Variants in KAZN observed in about 807,000 individuals in gnomAD.
The protein encoded by KAZN is kazrin, periplakin interacting protein, also known as kazrin.
In KAZN, 40 loss-of-function variants were observed where a neutral mutation model predicts 87.4. The observed-to-expected ratio is 0.46, with a 90% CI of 0.36 to 0.60. The LOEUF is 0.60. KAZN is among the 20% of genes least tolerant of loss of function. The pLI, the probability that KAZN is intolerant of heterozygous loss-of-function variation, is 0.00. For missense variants in KAZN, 898 were observed against 1,073.9 expected (o/e 0.84, Z 2.29); for synonymous variants, 466 against 458.3 (o/e 1.02, Z -0.22).
chr1:14,982,417 ATTTTTTTTTTTTT>A (rs71000353), intron 2 of KAZN, among the ~76,000 whole-genome samples: 4 of 64,790 alleles, frequency 6.2e-5, no homozygotes, highest in South Asian at 5.5e-4. Context: ...AGCACCTGAG[ATTTTTTTTTTTTT>A]TTTTTTTTTT....
chr1:14,626,766 C>T (rs1354633735), intron 1 of KAZN, among the ~76,000 whole-genome samples: 1 of 152,170 alleles, frequency 6.6e-6, no homozygotes, highest in African/African-American at 2.4e-5. Context: ...TTGATGTTGC[C>T]ACGTGCAGCC....
At chr1:14,805,798 TAATAATAA>T (rs1646196838) in intron 1 of KAZN, among the ~76,000 whole-genome samples, 1 of 117,592 alleles carries the variant, frequency 8.5e-6, no homozygotes, top group African/African-American at 3.8e-5. Flanking sequence ...ATAATAATAA[TAATAATAA>T]ATTAAAATCT....
chr1:13,947,217 T>C (rs956429173), intron 1 of KAZN, among the ~76,000 whole-genome samples: 8 of 152,122 alleles, frequency 5.3e-5, no homozygotes, highest in Non-Finnish European at 1.2e-4. Context: ...AGAAGGCACA[T>C]CTTGCATGGG....
chr1:14,027,488 C>T (rs1336625474), intron 1 of KAZN, among the ~76,000 whole-genome samples: 3 of 151,944 alleles, frequency 2.0e-5, no homozygotes, highest in Non-Finnish European at 4.4e-5. Flanking sequence ...GGCTTCTGCC[C>T]CCCCGCCACC....
At chr1:13,973,390 G>A (rs1429759742) in intron 1 of KAZN, among the ~76,000 whole-genome samples, 1 of 152,136 alleles carries the variant, frequency 6.6e-6, no homozygotes, top group Admixed American at 6.5e-5. Flanking sequence ...TGTCTAGTTG[G>A]GCTTAACCAG....
At position 13,941,815 on chromosome 1, in the gene KAZN, G is replaced by A. The variant is rs542570158; in HGVS notation, c.91+48059G>A. 9.2e-5 allele frequency among the ~76,000 whole-genome samples: 14 copies of A among 152,266 alleles called. No homozygotes were observed. In the East Asian group the frequency reaches 2.7e-3, roughly 29 times the overall value. ...CTCATGTGTGTGAGAACACCAAAGAGCTACCAAGGCAGCCAGCACTTAGGG... is the reference window on the plus strand; with the variant it reads ...CTCATGTGTGTGAGAACACCAAAGAACTACCAAGGCAGCCAGCACTTAGGG... On this transcript the variant is annotated intron_variant, in intron 1 of 16. Transcript: ENST00000636203.
chr1:14,642,500 T>A (rs1000586324), intron 1 of KAZN, among the ~76,000 whole-genome samples: 2 of 152,184 alleles, frequency 1.3e-5, no homozygotes, highest in African/African-American at 4.8e-5. Context: ...AAAAAGCTGA[T>A]CTCATAGAAG....
At chr1:14,221,446 T>C (rs1647095625) in intron 2 of KAZN, among the ~76,000 whole-genome samples, 2 of 152,058 alleles carry the variant, frequency 1.3e-5, no homozygotes, top group African/African-American at 4.8e-5. Flanking sequence ...TCCATGTAGA[T>C]TGTTTTCTTT....
intron 2 of KAZN, among the ~76,000 whole-genome samples, chr1:14,283,380 G>C (rs545500222): frequency 7.2e-5 from 11 of 152,276 alleles, no homozygotes; most frequent in Non-Finnish European, 1.3e-4. Context: ...TGATAGAAGA[G>C]GCTACTGACA....
intron 1 of KAZN, among the ~76,000 whole-genome samples, chr1:14,031,569 A>G (rs1325721604): frequency 1.3e-5 from 2 of 152,220 alleles, no homozygotes; most frequent in Admixed American, 6.5e-5. Flanking sequence ...ATTTCCTCCT[A>G]TGAATGAGAG....
chr1:14,184,189 T>C lies in KAZN; in HGVS notation c.249+3597T>C, dbSNP rs1416238834. On this transcript the variant is annotated intron_variant, in intron 2 of 16. Coordinates refer to the KAZN transcript ENST00000636203. This position sits in a 1 kb window ranked among gnomAD's most constrained non-coding sequence, Gnocchi z 4.2. ...CTCTCCGTTTTTCCTTCTGCCCTTGTCTCCTCTTCCCTTTTCTTTTTGCTT... is the reference window on the plus strand; with the variant it reads ...CTCTCCGTTTTTCCTTCTGCCCTTGCCTCCTCTTCCCTTTTCTTTTTGCTT... 6.6e-6 allele frequency among the ~76,000 whole-genome samples: 1 copy of C among 152,058 alleles called. No homozygotes were observed. Among genetic ancestry groups the C allele is most frequent in the African/African-American group, 2.4e-5 (1 of 41,400 alleles).
intron 1 of KAZN, among the ~76,000 whole-genome samples, chr1:14,882,226 G>A (rs978346811): frequency 2.0e-5 from 3 of 152,206 alleles, no homozygotes; most frequent in Non-Finnish European, 2.9e-5. Context: ...TTGTTAGAGC[G>A]TGAGCTCAGC....
chr1:14,372,117 C>T (rs1056109306), intron 2 of KAZN, among the ~76,000 whole-genome samples: 1 of 152,164 alleles, frequency 6.6e-6, no homozygotes, highest in Non-Finnish European at 1.5e-5. Flanking sequence ...AGGAATTTTT[C>T]TGTATCCTTA....
At chr1:14,842,805 G>A (rs1305537683) in intron 1 of KAZN, among the ~76,000 whole-genome samples, 1 of 152,162 alleles carries the variant, frequency 6.6e-6, no homozygotes, top group Non-Finnish European at 1.5e-5. Flanking sequence ...AAATCAAAGA[G>A]TAGTAAAAGG....
intron 1 of KAZN, among the ~76,000 whole-genome samples, chr1:14,668,148 A>G (rs914786178): frequency 7.2e-5 from 11 of 152,166 alleles, no homozygotes; most frequent in African/African-American, 2.7e-4. Context: ...CGAGAAGGAA[A>G]ATGAGAGGGA....
At chr1:14,952,806 A>G (rs1029323562) in intron 1 of KAZN, among the ~76,000 whole-genome samples, 1 of 152,182 alleles carries the variant, frequency 6.6e-6, no homozygotes, top group Non-Finnish European at 1.5e-5. Context: ...TTTCCTCCGG[A>G]AGATCAAGGA....
chr1:14,471,411 G>A (rs1200284540), intron 2 of KAZN, among the ~76,000 whole-genome samples: 2 of 152,126 alleles, frequency 1.3e-5, no homozygotes, highest in Admixed American at 1.3e-4. Flanking sequence ...GTGTTTTTGT[G>A]TGCAATTTCA....
intron 1 of KAZN, among the ~76,000 whole-genome samples, chr1:14,172,674 A>G (rs1444767489): frequency 1.3e-5 from 2 of 152,242 alleles, no homozygotes; most frequent in African/African-American, 4.8e-5. Flanking sequence ...GAGCTCAGCT[A>G]GGCTCCACAG....
At chr1:15,015,643 G>A (rs1014436548) in intron 2 of KAZN, among the ~76,000 whole-genome samples, 15 of 152,122 alleles carry the variant, frequency 9.9e-5, no homozygotes, top group African/African-American at 2.2e-4. Flanking sequence ...AGGACAAACC[G>A]TCAGCATGGG....
Sources: allele counts gnomAD v4.1 joint callset (sites outside exome capture counted in the v4.1 genomes callset), GRCh38; gene constraint gnomAD v4.1.1; non-coding constraint Gnocchi (gnomAD v3.1); transcripts MANE v1.5; gene names NCBI Gene and HGNC (gene_info 2026-07-23, HGNC 2026-07-21).